Variants in NARS2 observed in about 807,000 individuals in gnomAD.
NARS2 encodes asparaginyl-tRNA synthetase 2, mitochondrial, also known as asparaginyl-tRNA synthetase.
In NARS2, 60 loss-of-function variants were observed where a neutral mutation model predicts 62.9. That is an observed-to-expected ratio of 0.95 (90% CI 0.77 to 1.18). The LOEUF is 1.18. Among genes scored for constraint, NARS2 ranks in the 50% most tolerant of loss-of-function variants. The pLI, the probability that NARS2 is intolerant of heterozygous loss-of-function variation, is 0.00. For missense variants in NARS2, 619 were observed against 576.4 expected (o/e 1.07, Z -0.76); for synonymous variants, 196 against 200.0 (o/e 0.98, Z 0.17).
At chr11:78,450,666 C>CTTTT (rs781420225) in intron 11 of NARS2, among the ~76,000 whole-genome samples, 58 of 101,542 alleles carry the variant, frequency 5.7e-4, no homozygotes, top group African/African-American at 1.4e-3. Flanking sequence ...AAAGCCTTGT[C>CTTTT]TTTTTTTTTT....
Position 78,526,504 on chromosome 11 carries a change from T to G in NARS2, c.689+2338A>C, listed in dbSNP as rs1021981179. Among the ~76,000 whole-genome samples the G allele has an allele frequency of 3.3e-5, 5 of 152,194 alleles. No individual in the cohort carries two copies. The East Asian group carries it at 9.6e-4, about 29-fold the overall frequency. On this transcript the variant is annotated intron_variant, in intron 6 of 13. Transcript: ENST00000281038. The stretch of plus-strand genomic sequence containing the variant: ...GGGAAAAAGGACTAACAATTTCTTA[T>G]TGGAGAATAAATCATACTTTAATCA...
chr11:78,466,449 T>C (rs2135215651), intron 10 of NARS2, among the ~76,000 whole-genome samples: 1 of 152,314 alleles, frequency 6.6e-6, no homozygotes, highest in East Asian at 1.9e-4. Flanking sequence ...TTCCTAATAT[T>C]GAGCCTATCT....
intron 12 of NARS2, among the ~76,000 whole-genome samples, chr11:78,443,325 T>TAAA (rs1857636916): frequency 9.7e-6 from 1 of 103,402 alleles, no homozygotes; most frequent in African/African-American, 6.4e-5. Flanking sequence ...AGACTCCGTC[T>TAAA]CAAAAAAAAA....
chr11:78,513,118 C>T (rs1295104272), intron 6 of NARS2, among the ~76,000 whole-genome samples: 9 of 151,932 alleles, frequency 5.9e-5, no homozygotes, highest in African/African-American at 9.7e-5. Context: ...GGCATGGTGG[C>T]GGGTGCCTGT....
rs1555041422 is a variant in NARS2, at chr11:78,554,508, C to CGCGTGTGTGTGTGTGT, written c.594+5030_594+5031insACACACACACACACGC. On this transcript the variant is annotated intron_variant, in intron 5 of 13. Coordinates refer to ENST00000281038, the MANE Select transcript of NARS2 (RefSeq NM_024678.6). ...TTAGCTGTATTCCTAGGCGTGTGTG[C>CGCGTGTGTGTGTGTGT]GTGTGTGTGTGTGTGTGTGTGTCAA... Among the ~76,000 whole-genome samples, 40 of 147,016 alleles carry CGCGTGTGTGTGTGTGT rather than the reference C, an allele frequency of 2.7e-4. No homozygotes were observed. The East Asian group carries it at 7.4e-3, about 27-fold the overall frequency.
chr11:78,466,133 A>T (rs1858611293), intron 10 of NARS2, 120 bp from the exon 11 acceptor site: 1 of 1,002,142 alleles, frequency 1.0e-6, no homozygotes. Context: ...CCATGTGTGG[A>T]GCTAGCTGCT....
chr11:78,467,851 T>C (rs1006842865), intron 10 of NARS2, among the ~76,000 whole-genome samples: 13 of 152,012 alleles, frequency 8.6e-5, no homozygotes, highest in Non-Finnish European at 2.9e-5. Context: ...CAATCTTCTT[T>C]TGTTGTTGTT....
intron 6 of NARS2, among the ~76,000 whole-genome samples, chr11:78,522,779 A>G (rs1861177253): frequency 1.3e-5 from 2 of 152,198 alleles, no homozygotes; most frequent in African/African-American, 4.8e-5. Context: ...TTATAATGTA[A>G]GTATAAGTTT....
intron 6 of NARS2, among the ~76,000 whole-genome samples, chr11:78,497,241 GAAAAAA>G (rs35740309): frequency 8.4e-5 from 9 of 107,316 alleles, no homozygotes; most frequent in Admixed American, 5.9e-4. Context: ...AAGCAAAATT[GAAAAAA>G]AAAAAAAAAA....
At chr11:78,532,909 G>A (rs1314280502) in intron 5 of NARS2, among the ~76,000 whole-genome samples, 3 of 152,088 alleles carry the variant, frequency 2.0e-5, no homozygotes, top group Non-Finnish European at 2.9e-5. Context: ...AAACTTCTTT[G>A]CTTCTACTTA....
At chr11:78,438,817 A>C (rs1404133936) in intron 13 of NARS2, among the ~76,000 whole-genome samples, 1 of 152,172 alleles carries the variant, frequency 6.6e-6, no homozygotes, top group Non-Finnish European at 1.5e-5. Flanking sequence ...CGTATGGTGG[A>C]ACACTAGCAG....
chr11:78,483,355 T>G (rs1386666824), intron 7 of NARS2, among the ~76,000 whole-genome samples: 5 of 152,092 alleles, frequency 3.3e-5, no homozygotes, highest in Non-Finnish European at 7.4e-5. Flanking sequence ...CTCTCACCAC[T>G]CCTATTCAAC....
intron 5 of NARS2, among the ~76,000 whole-genome samples, chr11:78,541,276 T>C (rs1434941568): frequency 2.0e-5 from 3 of 152,210 alleles, no homozygotes; most frequent in Non-Finnish European, 4.4e-5. Context: ...TAAGATCAGT[T>C]GTAGAATCCA....
chr11:78,501,481 T>C (rs1301752588), intron 6 of NARS2, among the ~76,000 whole-genome samples: 1 of 152,190 alleles, frequency 6.6e-6, no homozygotes, highest in Non-Finnish European at 1.5e-5. Context: ...TCTTTGGCAA[T>C]GGTTCTTAAT....
intron 7 of NARS2, among the ~76,000 whole-genome samples, chr11:78,492,814 A>G (rs1859882690): frequency 6.6e-6 from 1 of 152,198 alleles, no homozygotes; most frequent in South Asian, 2.1e-4. Context: ...GAGTTGAGGA[A>G]CCTAAAGATC....
rs765813020 is a variant in NARS2, at chr11:78,465,944, C to G, written c.1096G>C (p.Val366Leu). Residue 366 changes from valine (V) to leucine (L), a missense_variant, in exon 11 of 14, where the codon GTT (valine) becomes CTT (leucine). Transcript: ENST00000281038. ...TTGAGTGTTAATGGATAATTAATAA[C>G]GAAGACAGGTATGTTGCCACAGTGC... ...VKHCGNIPVF[V>L]INYPLTLKPF... 5.6e-6 allele frequency: 9 copies of G among 1,613,852 alleles called. No homozygotes were observed. The highest frequency in any genetic ancestry group is 1.7e-5 in the Admixed American group (1 of 59,986).
chr11:78,553,873 T>C (rs1208842634), intron 5 of NARS2, among the ~76,000 whole-genome samples: 2 of 152,168 alleles, frequency 1.3e-5, no homozygotes, highest in African/African-American at 4.8e-5. Flanking sequence ...AGTTTTGGGT[T>C]TTACATTTAA....
rs116930926 is a variant in NARS2, at chr11:78,478,607, T to C, written c.899A>G (p.Lys300Arg). ...KCPEDVELCH[K>R]FIAPGQKDRL... is the part of the protein sequence containing the mutation. ...TACCTTTTGGCCAGGTGCTATGAATTTGTGACAGAGTTCAACATCTTCAGG... is the reference window on the plus strand; with the variant it reads ...TACCTTTTGGCCAGGTGCTATGAATCTGTGACAGAGTTCAACATCTTCAGG... The change falls in exon 8 of 14, where the codon AAA becomes AGA. Residue 300 changes from lysine (K) to arginine (R), a missense_variant. Coordinates refer to ENST00000281038, the MANE Select transcript of NARS2 (RefSeq NM_024678.6). 38,832 of 1,610,598 alleles carry C rather than the reference T, an allele frequency of 0.024. 590 individuals carry two copies. Among genetic ancestry groups the C allele is most frequent in the Non-Finnish European group, 0.028 (33,129 of 1,177,782 alleles).
At chr11:78,465,128 C>CTAAG (rs1447205312) in intron 11 of NARS2, among the ~76,000 whole-genome samples, 1 of 152,244 alleles carries the variant, frequency 6.6e-6, no homozygotes, top group Non-Finnish European at 1.5e-5. Context: ...GGGAAGGCAG[C>CTAAG]TAAGGCCTGG....
Sources: allele counts gnomAD v4.1 joint callset (sites outside exome capture counted in the v4.1 genomes callset), GRCh38; gene constraint gnomAD v4.1.1; transcripts MANE v1.5; gene names NCBI Gene and HGNC (gene_info 2026-07-23, HGNC 2026-07-21).